The following NCOA2 variants were observed in gnomAD, a reference collection of about 807,000 sequenced individuals.
NCOA2 encodes the protein nuclear receptor coactivator 2.
Under a neutral mutation model 145.1 loss-of-function variants are expected in NCOA2, and 21 were observed. That is an observed-to-expected ratio of 0.14 (90% CI 0.10 to 0.21). NCOA2 has a LOEUF of 0.21. Ranked by LOEUF, NCOA2 falls within the 10% of genes least tolerant of loss-of-function variation. NCOA2 has a pLI of 1.00. For missense variants in NCOA2, 1,472 were observed against 1,837.6 expected, an observed-to-expected ratio of 0.80 and a Z score of 3.64; for synonymous variants, 619 against 637.5, an observed-to-expected ratio of 0.97 and a Z score of 0.44.
chr8:70,128,849 T>C lies in NCOA2; in HGVS notation c.3456A>G (p.Gln1152=), dbSNP rs1303824617. Residue 1152 remains glutamine (Q), a synonymous_variant, in exon 17 of 23, where the codon CAA becomes CAG. Transcript: ENST00000452400. ...QMAQGSYSPM[Q]DPNFHTMGQR... ...GTCCCATGGTGTGAAAGTTTGGATCTTGCATGGGAGAATAGCTACCCTGGG... is the reference window on the plus strand; with the variant it reads ...GTCCCATGGTGTGAAAGTTTGGATCCTGCATGGGAGAATAGCTACCCTGGG... 4 of 1,614,034 alleles carry C rather than the reference T, an allele frequency of 2.5e-6. No homozygotes were observed. The highest frequency in any genetic ancestry group is 3.4e-6 in the Non-Finnish European group (4 of 1,179,900).
At chr8:70,221,346 T>C (rs981907464) in intron 2 of NCOA2, among the ~76,000 whole-genome samples, 4 of 152,212 alleles carry the variant, frequency 2.6e-5, no homozygotes, top group Admixed American at 1.3e-4. Context: ...GCATCCACTA[T>C]TGCTTTATCA....
the NCOA2 span, among the ~76,000 whole-genome samples, chr8:70,436,868 G>A: frequency 7.9e-5 from 12 of 152,328 alleles, no homozygotes; most frequent in Non-Finnish European, 1.2e-4. Flanking sequence ...AAGCATAGAG[G>A]AGGGGAACAA....
intron 1 of NCOA2, chr8:70,357,293 C>G (rs1809789336): frequency 6.6e-6 from 1 of 151,934 alleles, no homozygotes; most frequent in African/African-American, 2.4e-5. Context: ...ATATACCTAG[C>G]TGAAGAGGCA....
chr8:70,395,878 G>A (rs186287586), intron 1 of NCOA2, among the ~76,000 whole-genome samples: 97 of 152,268 alleles, frequency 6.4e-4, no homozygotes, highest in Middle Eastern at 3.4e-3. Flanking sequence ...AGAAAATACC[G>A]TGCATTATAT....
intron 3 of NCOA2, among the ~76,000 whole-genome samples, chr8:70,215,746 T>C (rs1819557101): frequency 6.6e-6 from 1 of 152,236 alleles, no homozygotes; most frequent in Admixed American, 6.5e-5. Flanking sequence ...TCTTCTACTT[T>C]TGGTAACTAT....
the NCOA2 span, among the ~76,000 whole-genome samples, chr8:70,428,921 G>A: frequency 2.6e-5 from 4 of 151,856 alleles, no homozygotes; most frequent in African/African-American, 9.7e-5. Flanking sequence ...TACTTACTGT[G>A]GGAAACGACT....
chr8:70,383,291 A>G (rs1183847697), intron 1 of NCOA2, among the ~76,000 whole-genome samples: 9 of 152,230 alleles, frequency 5.9e-5, no homozygotes, highest in Non-Finnish European at 1.3e-4. Flanking sequence ...GAGCTGGACC[A>G]GGAATTACCT....
chr8:70,421,375 A>AC, the NCOA2 span, among the ~76,000 whole-genome samples: 1 of 151,916 alleles, frequency 6.6e-6, no homozygotes, highest in African/African-American at 2.4e-5. Flanking sequence ...ACATAGCGAG[A>AC]CCCCCATCTC....
intron 16 of NCOA2, among the ~76,000 whole-genome samples, chr8:70,130,167 T>C (rs915038379): frequency 1.3e-5 from 2 of 152,220 alleles, no homozygotes; most frequent in Admixed American, 1.3e-4. Context: ...CACTCATTGC[T>C]GAATTACTGC....
chr8:70,282,885 G>A (rs1260588573), intron 2 of NCOA2, among the ~76,000 whole-genome samples: 1 of 152,150 alleles, frequency 6.6e-6, no homozygotes, highest in Non-Finnish European at 1.5e-5. Flanking sequence ...TGATCTCAGT[G>A]TCCCCATTTT....
chr8:70,205,643 A>C (rs1460700066), intron 4 of NCOA2, among the ~76,000 whole-genome samples: 1 of 152,148 alleles, frequency 6.6e-6, no homozygotes, highest in African/African-American at 2.4e-5. Context: ...AAGACCCAGA[A>C]GGAGGAAACC....
At chr8:70,393,298 C>T (rs1018131271) in intron 1 of NCOA2, among the ~76,000 whole-genome samples, 1 of 152,230 alleles carries the variant, frequency 6.6e-6, no homozygotes, top group African/African-American at 2.4e-5. Flanking sequence ...TTGAAGGGCA[C>T]AGGCCATCAG....
At chr8:70,319,120 G>C (rs1354691505) in intron 1 of NCOA2, among the ~76,000 whole-genome samples, 2 of 152,172 alleles carry the variant, frequency 1.3e-5, no homozygotes, top group African/African-American at 4.8e-5. Context: ...ACTGACTAGA[G>C]CAATGAAACG....
At chr8:70,432,313 T>G in the NCOA2 span, among the ~76,000 whole-genome samples, 2 of 152,232 alleles carry the variant, frequency 1.3e-5, no homozygotes, top group Non-Finnish European at 2.9e-5. Flanking sequence ...AGATTTTAGA[T>G]GAGAGGGTCT....
At chr8:70,241,647 T>C (rs1345835212) in intron 2 of NCOA2, among the ~76,000 whole-genome samples, 1 of 152,176 alleles carries the variant, frequency 6.6e-6, no homozygotes, top group African/African-American at 2.4e-5. Flanking sequence ...TCAATATACA[T>C]AGTAATTTAG....
At chr8:70,116,506 G>A (rs1036481329) in intron 22 of NCOA2, among the ~76,000 whole-genome samples, 12 of 151,682 alleles carry the variant, frequency 7.9e-5, no homozygotes, top group African/African-American at 2.9e-4. Flanking sequence ...AGCTAAGATC[G>A]CGCCACTGCA....
chr8:70,175,771 T>C (rs1814762714), intron 4 of NCOA2, among the ~76,000 whole-genome samples: 1 of 152,240 alleles, frequency 6.6e-6, no homozygotes, highest in Admixed American at 6.5e-5. Context: ...AATTATATCC[T>C]GTTTACACTG....
At chr8:70,376,651 T>C (rs1178003359) in intron 1 of NCOA2, among the ~76,000 whole-genome samples, 1 of 152,018 alleles carries the variant, frequency 6.6e-6, no homozygotes, top group Non-Finnish European at 1.5e-5. Flanking sequence ...TAAAGATCTA[T>C]GGTTGAATGG....
chr8:70,261,385 G>A (rs919556440), intron 2 of NCOA2, among the ~76,000 whole-genome samples: 9 of 152,004 alleles, frequency 5.9e-5, no homozygotes, highest in Admixed American at 5.2e-4. Context: ...CTCACTCACA[G>A]GTGGGAATTG....
Sources: gnomAD v4.1 joint callset for allele counts (sites outside exome capture counted in the v4.1 genomes callset) on GRCh38, gnomAD v4.1.1 for gene constraint, MANE v1.5 for transcripts, NCBI Gene and HGNC (gene_info 2026-07-23, HGNC 2026-07-21) for gene names.